The following OTOGL variants were observed in gnomAD, a reference collection of about 807,000 sequenced individuals.
OTOGL encodes otogelin-like protein.
A neutral mutation model predicts 318.5 loss-of-function variants in OTOGL; 285 were observed. The ratio of observed to expected loss-of-function variants is 0.89; its 90% confidence interval spans 0.81 to 0.99. The LOEUF (loss-of-function observed/expected upper bound fraction) is 0.99, where lower values mean the gene tolerates loss of function less well. Ranked by LOEUF, OTOGL falls within the 50% of genes least tolerant of loss-of-function variation. The pLI, the probability that OTOGL is intolerant of heterozygous loss-of-function variation, is 0.00. For missense variants in OTOGL, 2,899 were observed against 2,845.6 expected, an observed-to-expected ratio of 1.02 and a Z score of -0.43; for synonymous variants, 987 against 936.5, an observed-to-expected ratio of 1.05 and a Z score of -0.99.
intron 13 of OTOGL, among the ~76,000 whole-genome samples, 153 bp from the exon 14 acceptor site, chr12:80,253,313 T>G (rs1353058122): frequency 6.6e-6 from 1 of 152,008 alleles, no homozygotes; most frequent in Non-Finnish European, 1.5e-5. Flanking sequence ...TGCCTGAGAG[T>G]CAGGTTGTCA....
At chr12:80,229,489 CAA>C in intron 8 of OTOGL, 111 bp downstream of exon 8, 1 of 1,332,528 alleles carries the variant, frequency 7.5e-7, no homozygotes, top group Non-Finnish European at 1.0e-6. Context: ...ATTTCTTCAA[CAA>C]TACTCTTAAA....
Position 80,367,560 on chromosome 12 carries a change from G to A in OTOGL, c.6332-1G>A. ...TTATTGACTATGTTTTCTGTTCTTAGAAAAGGATGATGTGTGTGTATTTCA... is the reference window on the plus strand; with the variant it reads ...TTATTGACTATGTTTTCTGTTCTTAAAAAAGGATGATGTGTGTGTATTTCA... On this transcript the variant is annotated splice_acceptor_variant, in intron 53 of 58. Transcript: ENST00000547103. LOFTEE classifies it high-confidence loss of function. 1 of 1,505,220 alleles carries A rather than the reference G, an allele frequency of 6.6e-7. No individual in the cohort carries two copies. Among genetic ancestry groups the A allele is most frequent in the South Asian group, 1.2e-5 (1 of 80,708 alleles). 93.2% of individuals were successfully genotyped at this position (1,505,220 alleles called of 1,614,324 possible).
chr12:80,356,929 G>A lies in OTOGL; in HGVS notation c.6019+15G>A. ...CCCTTTTTGTGGTGAGTATTGTAGA[G>A]ATAATTTCTTGGAAGAAGAGAAAGG... On this transcript the variant is annotated intron_variant, in intron 49 of 58. Transcript: ENST00000547103. The A allele has an allele frequency of 6.8e-7, 1 of 1,478,190 alleles. No individual in the cohort carries two copies. Among genetic ancestry groups the A allele is most frequent in the East Asian group, 2.5e-5 (1 of 40,632 alleles). 91.6% of individuals were successfully genotyped at this position (1,478,190 alleles called of 1,614,324 possible). A position where few individuals can be genotyped will look rare whatever the true frequency, so the allele number is the denominator to read the frequency against.
chr12:80,275,464 A>C (rs374333793), intron 24 of OTOGL, among the ~76,000 whole-genome samples: 1 of 151,932 alleles, frequency 6.6e-6, no homozygotes, highest in East Asian at 1.9e-4. Context: ...GAGCAAAAAA[A>C]GTGGTTTCTT....
chr12:80,135,909 A>T (rs1444719278), intron 1 of OTOGL, among the ~76,000 whole-genome samples: 1 of 152,180 alleles, frequency 6.6e-6, no homozygotes, highest in African/African-American at 2.4e-5. Context: ...ATGGCCTTTG[A>T]ACTGGGACAT....
rs1344704931 is a variant in OTOGL at position 80,252,183 on chromosome 12, G to C, written c.1267G>C (p.Gly423Arg). The change falls in exon 13 of 59, where the codon GGA becomes CGA. Residue 423 changes from glycine (G) to arginine (R), a missense_variant. Gly to Arg is a moderately radical substitution (Grantham distance 125). Transcript: ENST00000547103. ...CLGSNLHCLD[G>R]CYCPDGLVMD... ...TGGGAGCAATCTCCATTGTCTTGAT[G>C]GATGTTACTGCCCAGATGGTAAGTG... 1.3e-6 allele frequency: 2 copies of C among 1,598,212 alleles called. No individual in the cohort carries two copies. Among genetic ancestry groups the C allele is most frequent in the South Asian group, 1.1e-5 (1 of 88,060 alleles).
Position 80,279,008 on chromosome 12 carries a change from CTT to C in OTOGL, c.2790-17_2790-16del. ...TAGAGTCGTTTCTTTAGAAAGGTAA[CTT>C]TTGTTATTTTTTAATAGCGTTTGTC... On this transcript the variant is annotated intron_variant, in intron 25 of 58. Transcript: ENST00000547103. The C allele has an allele frequency of 7.9e-7, 1 of 1,258,534 alleles. No individual in the cohort carries two copies. The highest frequency in any genetic ancestry group is 1.1e-6 in the Non-Finnish European group (1 of 915,298). The allele number at this position is 1,258,534 out of a possible 1,614,324, so 78.0% of individuals were successfully genotyped here.
intron 1 of OTOGL, among the ~76,000 whole-genome samples, chr12:80,163,015 TAGACTAA>T (rs1873618069): frequency 6.6e-6 from 1 of 152,108 alleles, no homozygotes; most frequent in African/African-American, 2.4e-5. Flanking sequence ...TCTTTACTAT[TAGACTAA>T]AGATATTCTT....
At chr12:80,202,395 C>T (rs979648618) in intron 1 of OTOGL, among the ~76,000 whole-genome samples, 63 of 151,736 alleles carry the variant, frequency 4.2e-4, no homozygotes, top group African/African-American at 1.5e-3. Context: ...CTCAGCCTCC[C>T]GAGTAGCTGG....
intron 1 of OTOGL, among the ~76,000 whole-genome samples, chr12:80,171,386 CTTTG>C (rs772227153): frequency 6.6e-5 from 10 of 152,040 alleles, no homozygotes; most frequent in Admixed American, 1.3e-4. Flanking sequence ...GGATGAGGTT[CTTTG>C]TTTGTTTTTT....
intron 8 of OTOGL, among the ~76,000 whole-genome samples, chr12:80,231,906 G>T (rs994236526): frequency 6.6e-6 from 1 of 151,668 alleles, no homozygotes; most frequent in Non-Finnish European, 1.5e-5. Flanking sequence ...CAAAGCACTG[G>T]AATTACAGGC....
At position 80,335,513 on chromosome 12, in the gene OTOGL, A is replaced by G. The variant is rs181836235; in HGVS notation, c.4423-450A>G. Among the ~76,000 whole-genome samples, 430 of 152,254 alleles carry G rather than the reference A, an allele frequency of 2.8e-3. 1 individual carries two copies. The highest frequency in any genetic ancestry group is 4.9e-3 in the Non-Finnish European group (334 of 67,988). ...AAATTAATTTATGATTATACACTCT[A>G]GGTGCTGTGAAACTGATGTTATATA... On this transcript the variant is annotated intron_variant, in intron 38 of 58. Coordinates refer to ENST00000547103, the MANE Select transcript of OTOGL (RefSeq NM_001378609.3).
intron 1 of OTOGL, among the ~76,000 whole-genome samples, chr12:80,186,153 A>G (rs186214051): frequency 6.6e-6 from 1 of 152,184 alleles, no homozygotes; most frequent in African/African-American, 2.4e-5. Flanking sequence ...CTGAAGGGAA[A>G]ATGTGTTCAA....
At chr12:80,170,219 A>G (rs12300859) in intron 1 of OTOGL, among the ~76,000 whole-genome samples, 38,097 of 115,834 alleles carry the variant, frequency 0.33, 5,201 homozygotes, top group East Asian at 0.48. Context: ...GTGTGTATGT[A>G]TGTGTGTGTG....
At chr12:80,292,749 C>T (rs955051451) in intron 26 of OTOGL, among the ~76,000 whole-genome samples, 1 of 152,122 alleles carries the variant, frequency 6.6e-6, no homozygotes, top group South Asian at 2.1e-4. Context: ...TTCCTGATAA[C>T]ATAGATTAAG....
rs1888445061 is a variant in OTOGL at position 80,336,896 on chromosome 12, T to G, written c.4768-16T>G. Reference sequence around the variant, plus strand: ...TGTGTTTAACTCCGTAAAGTTTTAATTTTTTTCAAATTAAGGCTCCCTCTG... The same window carrying G: ...TGTGTTTAACTCCGTAAAGTTTTAAGTTTTTTCAAATTAAGGCTCCCTCTG... On this transcript the variant is annotated splice_polypyrimidine_tract_variant and intron_variant, in intron 41 of 58. Transcript: ENST00000547103. The G allele has an allele frequency of 1.9e-6, 3 of 1,559,400 alleles. No homozygotes were observed. The highest frequency in any genetic ancestry group is 2.6e-6 in the Non-Finnish European group (3 of 1,149,580).
At chr12:80,289,310 C>T (rs1271148068) in intron 26 of OTOGL, among the ~76,000 whole-genome samples, 1 of 152,198 alleles carries the variant, frequency 6.6e-6, no homozygotes, top group East Asian at 1.9e-4. Flanking sequence ...AGCCAGAGCT[C>T]TCCTGTATGA....
At chr12:80,272,100 C>G (rs1883455105) in intron 24 of OTOGL, among the ~76,000 whole-genome samples, 1 of 152,120 alleles carries the variant, frequency 6.6e-6, no homozygotes, top group South Asian at 2.1e-4. Flanking sequence ...ACTCTTCATT[C>G]AAAACACTCT....
intron 19 of OTOGL, among the ~76,000 whole-genome samples, chr12:80,262,546 A>T (rs1050458161): frequency 2.6e-5 from 4 of 152,120 alleles, no homozygotes; most frequent in Non-Finnish European, 4.4e-5. Flanking sequence ...CTTTATAAGC[A>T]GGAAGCCAGT....
Sources: allele counts gnomAD v4.1 joint callset (sites outside exome capture counted in the v4.1 genomes callset), GRCh38; gene constraint gnomAD v4.1.1; transcripts MANE v1.5; gene names NCBI Gene and HGNC (gene_info 2026-07-23, HGNC 2026-07-21).